Variants in CCDC175 observed in about 807,000 individuals in gnomAD.
CCDC175 encodes the protein coiled-coil domain-containing protein 175.
A neutral mutation model predicts 114.6 loss-of-function variants in CCDC175; 100 were observed. The observed-to-expected ratio is 0.87, with a 90% CI of 0.74 to 1.03. The LOEUF (loss-of-function observed/expected upper bound fraction) is 1.03, where lower values mean the gene tolerates loss of function less well. Ranked by LOEUF, CCDC175 falls within the 50% of genes least tolerant of loss-of-function variation. The pLI is 0.00. For synonymous variants in CCDC175, 306 were observed against 308.7 expected (o/e 0.99, Z 0.09); for missense variants, 880 against 917.8 (o/e 0.96, Z 0.53).
intron 13 of CCDC175, among the ~76,000 whole-genome samples, 157 bp downstream of exon 13, chr14:59,537,866 C>A (rs1894502136): frequency 6.6e-6 from 1 of 152,060 alleles, no homozygotes; most frequent in Non-Finnish European, 1.5e-5. Context: ...TCTGCTTCCT[C>A]TTCAGGAAAA....
intron 17 of CCDC175, among the ~76,000 whole-genome samples, chr14:59,519,620 A>G (rs1893308874): frequency 6.6e-6 from 1 of 152,240 alleles, no homozygotes; most frequent in Non-Finnish European, 1.5e-5. Context: ...AGCAATGAGT[A>G]AAAGATTTGG....
chr14:59,524,326 TATAA>T (rs34627827), intron 16 of CCDC175, among the ~76,000 whole-genome samples: 40,022 of 151,936 alleles, frequency 0.26, 5,572 homozygotes, highest in South Asian at 0.4. Context: ...ACATTTTAAG[TATAA>T]ATAGACTTTA....
intron 13 of CCDC175, among the ~76,000 whole-genome samples, chr14:59,535,177 G>T (rs1273383863): frequency 6.6e-6 from 1 of 152,156 alleles, no homozygotes; most frequent in Non-Finnish European, 1.5e-5. Flanking sequence ...ATATAATAAT[G>T]GTGCACAGGC....
chr14:59,536,473 G>C (rs1894402225), intron 13 of CCDC175, among the ~76,000 whole-genome samples: 2 of 151,866 alleles, frequency 1.3e-5, no homozygotes, highest in South Asian at 4.1e-4. Flanking sequence ...TAGATAGAAA[G>C]CTCCATAAAG....
At position 59,572,715 on chromosome 14, in the gene CCDC175, C is replaced by T; in HGVS notation, c.342G>A (p.Lys114=). 1 of 1,496,910 alleles carries T rather than the reference C, an allele frequency of 6.7e-7. No individual in the cohort carries two copies. The highest frequency in any genetic ancestry group is 8.8e-7 in the Non-Finnish European group (1 of 1,130,696). 92.7% of individuals were successfully genotyped at this position (1,496,910 alleles called of 1,614,324 possible). Residue 114 remains lysine (K), a synonymous_variant, in exon 3 of 20, where the codon AAG becomes AAA. Transcript: ENST00000537690. ...CCTCAAAAGTACCTTCCAATTCCCT[C>T]TTAATGCTATTGGGAAGAGTTTCCA... ...YLLETLPNSI[K]RELEECVRDA... is the part of the protein sequence containing the mutation.
intron 15 of CCDC175, 62 bp from the exon 16 acceptor site, chr14:59,525,496 T>C: frequency 5.9e-6 from 7 of 1,191,174 alleles, no homozygotes; most frequent in Non-Finnish European, 2.3e-6. Flanking sequence ...GAGGGTATTA[T>C]ACTGCCTAGG....
At position 59,525,407 on chromosome 14, in the gene CCDC175, A is replaced by AT; in HGVS notation, c.1869dup (p.Leu624IlefsTer14). On this transcript the variant is annotated frameshift_variant, in exon 16 of 20. Coordinates refer to ENST00000537690, the MANE Select transcript of CCDC175 (RefSeq NM_001164399.2). LOFTEE classifies it high-confidence loss of function. Reference sequence around the variant, plus strand: ...TTTTTTTTGCTTTCTTGATCTCGTAATTGTTGTAATTCTTGTTTTACATCT... The same window carrying AT: ...TTTTTTTTGCTTTCTTGATCTCGTAATTTGTTGTAATTCTTGTTTTACATCT... 6.6e-7 allele frequency: 1 copy of AT among 1,513,008 alleles called. No individual in the cohort carries two copies. Among genetic ancestry groups the AT allele is most frequent in the Non-Finnish European group, 8.8e-7 (1 of 1,140,616 alleles). The allele number at this position is 1,513,008 out of a possible 1,614,324, so 93.7% of individuals were successfully genotyped here. A position where few individuals can be genotyped will look rare whatever the true frequency, so the allele number is the denominator to read the frequency against.
In CCDC175 at chr14:59,551,452, G is replaced by A. The variant is rs1256660240; in HGVS notation, c.954-16C>T. On this transcript the variant is annotated splice_polypyrimidine_tract_variant and intron_variant, in intron 7 of 19. Transcript: ENST00000537690. ...GAAAAAACACCTATGAACAAAGGAA[G>A]CCAAACAGATTCATATAAGAACATA... 7.7e-6 allele frequency: 10 copies of A among 1,293,794 alleles called. No individual in the cohort carries two copies. Among genetic ancestry groups the A allele is most frequent in the African/African-American group, 1.5e-5 (1 of 65,476 alleles). 80.1% of individuals were successfully genotyped at this position (1,293,794 alleles called of 1,614,324 possible). A position where few individuals can be genotyped will look rare whatever the true frequency, so the allele number is the denominator to read the frequency against.
chr14:59,528,349 G>A lies in CCDC175; in HGVS notation c.1763-1175C>T, dbSNP rs753914759. On this transcript the variant is annotated intron_variant, in intron 14 of 19. Transcript: ENST00000537690. ...TCTTTTCTTTTAAATATTGTTTTGG[G>A]GATTTGCTTGGACATTTAAAAATGG... is the stretch of plus-strand genomic sequence containing the variant. Among the ~76,000 whole-genome samples the A allele has an allele frequency of 3.3e-5, 5 of 151,834 alleles. No homozygotes were observed. The South Asian group carries it at 1.0e-3, about 32-fold the overall frequency.
At chr14:59,517,322 C>A (rs1460930458) in intron 17 of CCDC175, among the ~76,000 whole-genome samples, 1 of 152,066 alleles carries the variant, frequency 6.6e-6, no homozygotes, top group East Asian at 1.9e-4. Flanking sequence ...CTGGCCAGGG[C>A]AATCAGGCAG....
intron 8 of CCDC175, chr14:59,551,061 T>C: frequency 4.9e-6 from 1 of 202,330 alleles, no homozygotes; most frequent in Non-Finnish European, 9.8e-6. Flanking sequence ...ACTTTCTAAA[T>C]AATTCACATC....
In CCDC175 at chr14:59,545,317, A is replaced by G. The variant is rs780417901; in HGVS notation, c.1036-18T>C. 2.0e-6 allele frequency: 3 copies of G among 1,535,230 alleles called. No homozygotes were observed. The highest frequency in any genetic ancestry group is 1.7e-6 in the Non-Finnish European group (2 of 1,146,150). On this transcript the variant is annotated intron_variant, in intron 8 of 19. Transcript: ENST00000537690. The stretch of plus-strand genomic sequence containing the variant: ...TCAACCAGCTAGAGAAAAACAAAGG[A>G]GGTGAATGAGAGGACTGGCTTCACT...
intron 7 of CCDC175, among the ~76,000 whole-genome samples, chr14:59,554,482 T>G (rs1350324719): frequency 6.6e-6 from 1 of 152,134 alleles, no homozygotes; most frequent in Non-Finnish European, 1.5e-5. Context: ...AGAGGGAAGT[T>G]TACAGCACTA....
At chr14:59,515,844 G>C (rs550071699) in intron 17 of CCDC175, among the ~76,000 whole-genome samples, 69 of 152,158 alleles carry the variant, frequency 4.5e-4, no homozygotes, top group African/African-American at 1.6e-3. Flanking sequence ...AATTCTCCAC[G>C]CCAAATCAAC....
At chr14:59,542,234 C>A (rs1051756106) in intron 10 of CCDC175, among the ~76,000 whole-genome samples, 3 of 152,088 alleles carry the variant, frequency 2.0e-5, no homozygotes, top group Non-Finnish European at 2.9e-5. Context: ...ACTTTCATGC[C>A]CGACTGTTTT....
intron 8 of CCDC175, among the ~76,000 whole-genome samples, chr14:59,546,115 C>T (rs1239690853): frequency 6.6e-6 from 1 of 152,150 alleles, no homozygotes; most frequent in Non-Finnish European, 1.5e-5. Context: ...TAATAATACA[C>T]CATGGAACAT....
At chr14:59,530,743 G>C (rs534725767) in intron 14 of CCDC175, among the ~76,000 whole-genome samples, 1 of 152,052 alleles carries the variant, frequency 6.6e-6, no homozygotes, top group African/African-American at 2.4e-5. Context: ...ACATATTGGG[G>C]TTCCATATGA....
chr14:59,542,470 T>C (rs1190724103), intron 10 of CCDC175, among the ~76,000 whole-genome samples: 1 of 149,348 alleles, frequency 6.7e-6, no homozygotes, highest in East Asian at 1.9e-4. Context: ...TTTAGGACTT[T>C]ATTACAAAAA....
At chr14:59,528,502 C>T (rs1218923823) in intron 14 of CCDC175, among the ~76,000 whole-genome samples, 2 of 151,878 alleles carry the variant, frequency 1.3e-5, no homozygotes, top group African/African-American at 2.4e-5. Context: ...CTACTTACTT[C>T]GTCATATATA....
Sources: gnomAD v4.1 joint callset for allele counts (sites outside exome capture counted in the v4.1 genomes callset) on GRCh38, gnomAD v4.1.1 for gene constraint, MANE v1.5 for transcripts, NCBI Gene and HGNC (gene_info 2026-07-23, HGNC 2026-07-21) for gene names.